CREB5: variants seen among roughly 807,000 people sequenced by gnomAD.
CREB5 encodes the protein cAMP responsive element binding protein 5.
In CREB5, 19 loss-of-function variants were observed where a neutral mutation model predicts 57.1. The observed-to-expected ratio is 0.33, with a 90% CI of 0.23 to 0.49. CREB5 has a LOEUF of 0.49. Ranked by LOEUF, CREB5 falls within the 20% of genes least tolerant of loss-of-function variation. The probability of loss-of-function intolerance (pLI) is 0.99; values close to 1 mark genes in which losing one functional copy is unlikely to be tolerated. For synonymous variants in CREB5, 238 were observed against 238.3 expected, an observed-to-expected ratio of 1.00 and a Z score of 0.01; for missense variants, 579 against 671.6, an observed-to-expected ratio of 0.86 and a Z score of 1.52.
rs114814079 is a variant in CREB5, at chr7:28,622,861, T to C, written c.464+52324T>C. ...CATAGTGAGACCCCCATCTCTATTT[T>C]TGAAAATAATAATAATTTTAAAAAT... On this transcript the variant is annotated intron_variant, in intron 5 of 10. Coordinates refer to ENST00000357727, the MANE Select transcript of CREB5 (RefSeq NM_182898.4). Among the ~76,000 whole-genome samples, 129 of 152,228 alleles carry C rather than the reference T, an allele frequency of 8.5e-4. 1 individual carries two copies. The Middle Eastern group carries it at 0.02, about 24-fold the overall frequency.
chr7:28,470,708 T>C (rs904073695), intron 1 of CREB5, among the ~76,000 whole-genome samples: 2 of 152,192 alleles, frequency 1.3e-5, no homozygotes, highest in Non-Finnish European at 2.9e-5. Context: ...TGTATGAGGG[T>C]TCCCTTTACT....
rs1315970183 is a variant in CREB5, at chr7:28,822,724, A to G, written c.*3445A>G. The G allele has an allele frequency of 1.3e-5, 2 of 152,646 alleles. No individual in the cohort carries two copies. The highest frequency in any genetic ancestry group is 2.9e-5 in the Non-Finnish European group (2 of 68,040). 9.5% of individuals were successfully genotyped at this position (152,646 alleles called of 1,614,324 possible). ...CTGTCACTTAAATGGAGGTGTCCAC[A>G]TCTTAATTGTTTCTCCTTGACACAT... On this transcript the variant is annotated 3_prime_UTR_variant, in exon 11 of 11. Coordinates refer to ENST00000357727, the MANE Select transcript of CREB5 (RefSeq NM_182898.4).
chr7:28,548,631 T>C (rs551571318), intron 4 of CREB5, among the ~76,000 whole-genome samples: 4 of 152,228 alleles, frequency 2.6e-5, no homozygotes, highest in Non-Finnish European at 5.9e-5. Flanking sequence ...ATTCCCATGA[T>C]GCTAGCTCAG....
chr7:28,345,273 C>CTTTTTTTT (rs58373526), intron 1 of CREB5, among the ~76,000 whole-genome samples: 2 of 148,556 alleles, frequency 1.3e-5, no homozygotes, highest in Non-Finnish European at 1.5e-5. Flanking sequence ...CAAAACAAGT[C>CTTTTTTTT]TTTTTTTTTT....
intron 5 of CREB5, among the ~76,000 whole-genome samples, chr7:28,570,966 G>A (rs1191755338): frequency 6.6e-6 from 1 of 152,034 alleles, no homozygotes; most frequent in African/African-American, 2.4e-5. Context: ...TCTGTGTACA[G>A]CAATCCCTCC....
chr7:28,456,892 C>A (rs1158287540), intron 1 of CREB5, among the ~76,000 whole-genome samples: 2 of 152,200 alleles, frequency 1.3e-5, no homozygotes, highest in Non-Finnish European at 1.5e-5. Context: ...TGTCTTAGTC[C>A]ATTTTCTGCT....
intron 1 of CREB5, among the ~76,000 whole-genome samples, chr7:28,329,069 ACTCT>A: frequency 6.6e-6 from 1 of 152,062 alleles, no homozygotes; most frequent in East Asian, 1.9e-4. Flanking sequence ...AACCCATGAA[ACTCT>A]CTGTTCAGAG....
Position 28,348,638 on chromosome 7 carries a change from C to T in CREB5, c.-25+49197C>T, listed in dbSNP as rs377763381. On this transcript the variant is annotated intron_variant, in intron 1 of 9. Transcript: ENST00000396299. The stretch of plus-strand genomic sequence containing the variant: ...CTTATGCCCAATCTGGCAGCAAAAA[C>T]GGCTTGCCAACAGCATCCGTCTTTC... Among the ~76,000 whole-genome samples, 12 of 152,244 alleles carry T rather than the reference C, an allele frequency of 7.9e-5. 1 individual carries two copies. The South Asian group carries it at 1.7e-3, about 21-fold the overall frequency.
chr7:28,682,689 G>GGGC (rs1554284955), intron 5 of CREB5, among the ~76,000 whole-genome samples: 2 of 148,694 alleles, frequency 1.3e-5, no homozygotes, highest in African/African-American at 5.0e-5. Context: ...AAGTGGGGGG[G>GGGC]GGGGGAAACC....
At chr7:28,560,881 T>TGCGCGTGCGCGCGC (rs1388491335) in intron 4 of CREB5, among the ~76,000 whole-genome samples, 1 of 46,206 alleles carries the variant, frequency 2.2e-5, no homozygotes, top group Non-Finnish European at 4.1e-5. Flanking sequence ...TGCGCGTGCG[T>TGCGCGTGCGCGCGC]GCGTGCGTGT....
chr7:28,335,124 G>A (rs1182231455), intron 1 of CREB5, among the ~76,000 whole-genome samples: 2 of 152,128 alleles, frequency 1.3e-5, no homozygotes, highest in Middle Eastern at 3.2e-3. Context: ...TTGAAGTCAG[G>A]TAATGTGATT....
intron 4 of CREB5, among the ~76,000 whole-genome samples, chr7:28,529,237 G>A (rs1009439223): frequency 3.9e-5 from 6 of 152,202 alleles, no homozygotes; most frequent in Admixed American, 2.6e-4. Context: ...ACCCAAGAAT[G>A]CACGAGAGTG....
intron 1 of CREB5, among the ~76,000 whole-genome samples, chr7:28,424,652 G>T (rs1384420214): frequency 1.3e-5 from 2 of 152,198 alleles, no homozygotes; most frequent in African/African-American, 2.4e-5. Flanking sequence ...ACGCTGAAAG[G>T]TTAACACCAA....
intron 7 of CREB5, among the ~76,000 whole-genome samples, chr7:28,738,786 T>C (rs1804177637): frequency 2.0e-5 from 3 of 152,226 alleles, no homozygotes; most frequent in Admixed American, 6.5e-5. Flanking sequence ...ACCATTCATC[T>C]CTTAGTTCCC....
intron 3 of CREB5, among the ~76,000 whole-genome samples, chr7:28,503,983 A>G (rs1792376939): frequency 6.6e-6 from 1 of 152,194 alleles, no homozygotes; most frequent in South Asian, 2.1e-4. Flanking sequence ...CAAAGTCGAT[A>G]CCCACATTTG....
intron 7 of CREB5, among the ~76,000 whole-genome samples, chr7:28,772,344 A>G (rs182114609): frequency 7.2e-4 from 109 of 152,274 alleles, no homozygotes; most frequent in Non-Finnish European, 1.1e-3. Flanking sequence ...TGACTGCTTG[A>G]GGCAACACTG....
chr7:28,464,840 G>A (rs75527859), intron 1 of CREB5, among the ~76,000 whole-genome samples: 2,621 of 152,018 alleles, frequency 0.017, 76 homozygotes, highest in African/African-American at 0.06. Context: ...AGTGTTTACC[G>A]TATACTGGAT....
chr7:28,307,310 A>G (rs1442733921), intron 1 of CREB5, among the ~76,000 whole-genome samples: 1 of 152,196 alleles, frequency 6.6e-6, no homozygotes, highest in East Asian at 1.9e-4. Context: ...CTCTAGCCTC[A>G]TGAATGGATT....
chr7:28,790,544 G>C (rs142502514), intron 7 of CREB5, among the ~76,000 whole-genome samples: 2 of 152,238 alleles, frequency 1.3e-5, no homozygotes, highest in East Asian at 1.9e-4. Flanking sequence ...AGCAGGCACT[G>C]AATCAGTACC....
Sources: gnomAD v4.1 joint callset for allele counts (sites outside exome capture counted in the v4.1 genomes callset) on GRCh38, gnomAD v4.1.1 for gene constraint, MANE v1.5 for transcripts, NCBI Gene and HGNC (gene_info 2026-07-23, HGNC 2026-07-21) for gene names.